MYO16: variants seen among roughly 807,000 people sequenced by gnomAD.
MYO16 encodes unconventional myosin-XVI.
MYO16 carries 94 observed loss-of-function variants against 205.3 expected under a neutral mutation model. That is an observed-to-expected ratio of 0.46 (90% CI 0.39 to 0.54). The LOEUF (loss-of-function observed/expected upper bound fraction) is 0.54. Ranked by LOEUF, MYO16 falls within the 20% of genes least tolerant of loss-of-function variation. The pLI, the probability that MYO16 is intolerant of heterozygous loss-of-function variation, is 0.00. For missense variants in MYO16, 2,315 were observed against 2,387.5 expected (o/e 0.97, Z 0.63); for synonymous variants, 988 against 954.0 (o/e 1.04, Z -0.66).
At chr13:109,158,755 A>C (rs938453191) in intron 32 of MYO16, among the ~76,000 whole-genome samples, 1 of 152,262 alleles carries the variant, frequency 6.6e-6, no homozygotes, top group Non-Finnish European at 1.5e-5. Flanking sequence ...AAGATGAAAA[A>C]TGAACATTTA....
Position 109,140,141 on chromosome 13 carries a change from A to G in MYO16, c.4052-123A>G. 3 of 1,458,304 alleles carry G rather than the reference A, an allele frequency of 2.1e-6. No homozygotes were observed. The highest frequency in any genetic ancestry group is 2.7e-6 in the Non-Finnish European group (3 of 1,113,224). 90.3% of individuals were successfully genotyped at this position (1,458,304 alleles called of 1,614,324 possible). A position where few individuals can be genotyped will look rare whatever the true frequency, so the allele number is the denominator to read the frequency against. On this transcript the variant is annotated intron_variant, in intron 31 of 34. Coordinates refer to ENST00000457511, the MANE Select transcript of MYO16 (RefSeq NM_001198950.3). The surrounding 1 kb of genome is among the most constrained non-coding windows in gnomAD (Gnocchi z 8.0). ...GAGCCTAGTGGGTGGAGGAACATGC[A>G]GGCCCGGTCCCTTGGGATTCTCGGG... is the stretch of plus-strand genomic sequence containing the variant.
intron 21 of MYO16, among the ~76,000 whole-genome samples, chr13:109,000,308 A>G (rs1885172732): frequency 6.6e-6 from 1 of 152,176 alleles, no homozygotes; most frequent in Admixed American, 6.5e-5. Flanking sequence ...TTATTTTTCT[A>G]TATAATTTTT....
chr13:108,581,614 A>G, the MYO16 span, among the ~76,000 whole-genome samples: 5 of 151,866 alleles, frequency 3.3e-5, no homozygotes, highest in African/African-American at 1.2e-4. Flanking sequence ...GGACAGGTGC[A>G]ATGGTTCATG....
At chr13:108,899,784 A>G (rs1880617562) in intron 15 of MYO16, among the ~76,000 whole-genome samples, 1 of 152,240 alleles carries the variant, frequency 6.6e-6, no homozygotes, top group Non-Finnish European at 1.5e-5. Context: ...AAGCTGAAAC[A>G]TTGAAAGCTC....
intron 2 of MYO16, among the ~76,000 whole-genome samples, chr13:108,671,161 CAAAGA>C (rs1881972149): frequency 6.6e-6 from 1 of 151,904 alleles, no homozygotes. Context: ...TTTTGAATGG[CAAAGA>C]AGAGAAAGGA....
intron 15 of MYO16, among the ~76,000 whole-genome samples, chr13:108,909,251 C>T (rs1192550504): frequency 6.6e-6 from 1 of 151,470 alleles, no homozygotes; most frequent in Non-Finnish European, 1.5e-5. Context: ...AATTTCAACA[C>T]CTTGTATTTA....
intron 2 of MYO16, among the ~76,000 whole-genome samples, chr13:108,697,434 G>A (rs1477795278): frequency 6.6e-6 from 1 of 152,174 alleles, no homozygotes; most frequent in Non-Finnish European, 1.5e-5. Flanking sequence ...CTCAGCACGG[G>A]AGGACATTTC....
At position 109,140,680 on chromosome 13, in the gene MYO16, G is replaced by T; in HGVS notation, c.4468G>T (p.Ala1490Ser). The change falls in exon 32 of 35, where the codon GCG (alanine) becomes TCG (serine). Residue 1490 changes from alanine (A) to serine (S), a missense_variant. Ala to Ser is a moderately conservative substitution (Grantham distance 99, BLOSUM62 1). Transcript: ENST00000457511. The surrounding 1 kb of genome is among the most constrained non-coding windows in gnomAD (Gnocchi z 8.0). ...PLLHRAPEDE[A>S]AGPPGDACDI... ...GCTCCACCGCGCGCCGGAGGACGAG[G>T]CGGCGGGGCCCCCAGGGGACGCGTG... is the stretch of plus-strand genomic sequence containing the variant. The T allele has an allele frequency of 6.7e-7, 1 of 1,483,854 alleles. No homozygotes were observed. Among genetic ancestry groups the T allele is most frequent in the Non-Finnish European group, 8.9e-7 (1 of 1,120,760 alleles). The allele number at this position is 1,483,854 out of a possible 1,614,324, so 91.9% of individuals were successfully genotyped here.
In MYO16 at chr13:109,206,482, T is replaced by C; in HGVS notation, c.5416-127T>C. 3 of 687,338 alleles carry C rather than the reference T, an allele frequency of 4.4e-6. No homozygotes were observed. The South Asian group carries it at 5.5e-5, about 13-fold the overall frequency. 42.6% of individuals were successfully genotyped at this position (687,338 alleles called of 1,614,324 possible). A position where few individuals can be genotyped will look rare whatever the true frequency, so the allele number is the denominator to read the frequency against. On this transcript the variant is annotated intron_variant, in intron 34 of 34. Transcript: ENST00000457511. ...TTCCAGAGGCAGCAGTGCATGGAGA[T>C]TGAGGAAAGAGGCTGCCTCTTTCAG...
At chr13:108,701,982 T>C (rs547943620) in intron 2 of MYO16, among the ~76,000 whole-genome samples, 5 of 151,458 alleles carry the variant, frequency 3.3e-5, no homozygotes, top group Admixed American at 6.6e-5. Context: ...AATTTAAAGA[T>C]AGATCAATTA....
At chr13:108,575,100 T>C in the MYO16 span, among the ~76,000 whole-genome samples, 1 of 151,812 alleles carries the variant, frequency 6.6e-6, no homozygotes, top group Non-Finnish European at 1.5e-5. Context: ...ACACCTCAAG[T>C]GTTCATGGGT....
chr13:108,735,612 T>G (rs1192759164), intron 4 of MYO16, among the ~76,000 whole-genome samples: 1 of 151,336 alleles, frequency 6.6e-6, no homozygotes, highest in Non-Finnish European at 1.5e-5. Context: ...TACGTGTGCA[T>G]GTGTCTTTAT....
intron 4 of MYO16, among the ~76,000 whole-genome samples, chr13:108,755,565 AATC>A (rs1223370660): frequency 2.0e-5 from 3 of 151,832 alleles, no homozygotes; most frequent in African/African-American, 7.2e-5. Context: ...AAAAAAAAAA[AATC>A]AAAGGCATAG....
intron 1 of MYO16, among the ~76,000 whole-genome samples, chr13:108,611,972 C>CTTTTTTTTTT (rs201871787): frequency 1.8e-4 from 16 of 89,756 alleles, no homozygotes; most frequent in African/African-American, 2.6e-4. Flanking sequence ...TTTTTTTTTT[C>CTTTTTTTTTT]TTTTTTTTTT....
chr13:109,096,060 C>A lies in MYO16; in HGVS notation c.3336-4725C>A, dbSNP rs530500680. On this transcript the variant is annotated intron_variant, in intron 27 of 34. Coordinates refer to ENST00000457511, the MANE Select transcript of MYO16 (RefSeq NM_001198950.3). ...GTCCTGGGTTCAATTCCAGCTCAGC[C>A]ACTTTCCTCATCTGTGTCAGCTTCC... Among the ~76,000 whole-genome samples the A allele has an allele frequency of 2.0e-5, 3 of 152,320 alleles. 1 individual carries two copies. The South Asian group carries it at 6.2e-4, about 32-fold the overall frequency.
intron 11 of MYO16, among the ~76,000 whole-genome samples, chr13:108,859,237 A>T (rs1398481209): frequency 6.6e-6 from 1 of 151,584 alleles, no homozygotes; most frequent in African/African-American, 2.4e-5. Context: ...AAGTTCTATA[A>T]GGAAAATAAT....
At chr13:109,013,928 C>A (rs1885709337) in intron 22 of MYO16, among the ~76,000 whole-genome samples, 1 of 152,198 alleles carries the variant, frequency 6.6e-6, no homozygotes, top group African/African-American at 2.4e-5. Context: ...TCTGTTCACT[C>A]TGACGGTAGT....
intron 20 of MYO16, among the ~76,000 whole-genome samples, chr13:108,972,243 C>CTATATA (rs1161845637): frequency 9.6e-4 from 11 of 11,486 alleles, no homozygotes; most frequent in Non-Finnish European, 1.3e-3. Context: ...CTCTCTCTCT[C>CTATATA]TCTCTCTATA....
intron 27 of MYO16, among the ~76,000 whole-genome samples, chr13:109,084,476 C>G (rs1055084822): frequency 7.9e-5 from 12 of 152,154 alleles, no homozygotes; most frequent in African/African-American, 2.9e-4. Flanking sequence ...TGAAATTGCA[C>G]TTTTACCTTG....
Sources: allele counts gnomAD v4.1 joint callset (sites outside exome capture counted in the v4.1 genomes callset), GRCh38; gene constraint gnomAD v4.1.1; non-coding constraint Gnocchi (gnomAD v3.1); transcripts MANE v1.5; gene names NCBI Gene and HGNC (gene_info 2026-07-23, HGNC 2026-07-21).